GAS7: variants seen among roughly 807,000 people sequenced by gnomAD.
The protein encoded by GAS7 is growth arrest specific 7, also known as growth arrest-specific protein 7.
GAS7 carries 28 observed loss-of-function variants against 71.1 expected under a neutral mutation model. The ratio of observed to expected loss-of-function variants is 0.39; its 90% CI spans 0.29 to 0.54. The LOEUF is 0.54. Ranked by LOEUF, GAS7 falls within the 20% of genes least tolerant of loss-of-function variation. The pLI is 0.62. For missense variants in GAS7, 436 were observed against 627.8 expected (o/e 0.69, Z 3.27); for synonymous variants, 258 against 245.8 (o/e 1.05, Z -0.46).
At chr17:10,048,193 T>C (rs2073007757) in intron 1 of GAS7, among the ~76,000 whole-genome samples, 1 of 152,088 alleles carries the variant, frequency 6.6e-6, no homozygotes, top group Non-Finnish European at 1.5e-5. Flanking sequence ...TCCCAGCTAC[T>C]TGGGAGGCTG....
chr17:10,175,322 T>C, intron 1 of GAS7, among the ~76,000 whole-genome samples: 1 of 151,240 alleles, frequency 6.6e-6, no homozygotes, highest in Non-Finnish European at 1.5e-5. Context: ...AAGCCCAGGG[T>C]AAGGGGCTTG....
chr17:10,030,257 C>T (rs2072581800), intron 1 of GAS7, among the ~76,000 whole-genome samples: 1 of 152,136 alleles, frequency 6.6e-6, no homozygotes, highest in South Asian at 2.1e-4. Flanking sequence ...CCCTGGAATC[C>T]ATTCAGGTGG....
intron 1 of GAS7, among the ~76,000 whole-genome samples, chr17:10,030,323 G>A (rs1242322762): frequency 2.6e-5 from 4 of 152,244 alleles, no homozygotes; most frequent in Non-Finnish European, 5.9e-5. Context: ...GGAACCCAGG[G>A]CTTTCCAAAG....
intron 1 of GAS7, among the ~76,000 whole-genome samples, chr17:10,168,180 G>A (rs887380422): frequency 7.2e-5 from 11 of 152,052 alleles, no homozygotes; most frequent in Non-Finnish European, 1.2e-4. Context: ...GGAAAATAAA[G>A]TATGCTACAT....
At chr17:10,142,739 C>T (rs946115923) in intron 1 of GAS7, among the ~76,000 whole-genome samples, 1 of 152,136 alleles carries the variant, frequency 6.6e-6, no homozygotes, top group African/African-American at 2.4e-5. Flanking sequence ...TCTGAGGTAT[C>T]CCCAATATAT....
At chr17:10,186,786 G>A (rs1425024060) in intron 1 of GAS7, among the ~76,000 whole-genome samples, 1 of 152,178 alleles carries the variant, frequency 6.6e-6, no homozygotes, top group Non-Finnish European at 1.5e-5. Flanking sequence ...ACTTTGAGAG[G>A]CAGAGGCAGG....
chr17:10,169,691 T>A (rs1233105378), intron 1 of GAS7, among the ~76,000 whole-genome samples: 1 of 152,086 alleles, frequency 6.6e-6, no homozygotes. Context: ...TTGGGGTGCC[T>A]CCAGGCCCCA....
intron 1 of GAS7, among the ~76,000 whole-genome samples, chr17:10,171,076 GC>G (rs1157917713): frequency 6.6e-6 from 1 of 152,198 alleles, no homozygotes; most frequent in Non-Finnish European, 1.5e-5. Flanking sequence ...CTTCACTTGA[GC>G]CGCAAAGAAT....
chr17:10,070,833 G>A (rs191917506), intron 1 of GAS7, among the ~76,000 whole-genome samples: 1 of 152,136 alleles, frequency 6.6e-6, no homozygotes, highest in East Asian at 1.9e-4. Context: ...CAACCTATGG[G>A]ACAGAGGTTG....
chr17:10,196,849 C>T (rs2074544633), intron 1 of GAS7, among the ~76,000 whole-genome samples: 1 of 152,120 alleles, frequency 6.6e-6, no homozygotes, highest in African/African-American at 2.4e-5. Flanking sequence ...CTTTTACATC[C>T]GAATCTCGGG....
intron 1 of GAS7, among the ~76,000 whole-genome samples, chr17:10,074,675 C>T (rs1193354511): frequency 6.6e-6 from 1 of 152,150 alleles, no homozygotes; most frequent in Non-Finnish European, 1.5e-5. Context: ...AAAAACTGTA[C>T]CTGTCGGTGT....
intron 1 of GAS7, among the ~76,000 whole-genome samples, chr17:10,132,405 C>A (rs2074004168): frequency 6.6e-6 from 1 of 152,210 alleles, no homozygotes; most frequent in African/African-American, 2.4e-5. Flanking sequence ...CAGTCTTTGT[C>A]TACTCGGGCC....
chr17:10,040,948 G>A (rs1324250586), intron 1 of GAS7, among the ~76,000 whole-genome samples: 9 of 152,162 alleles, frequency 5.9e-5, no homozygotes. Flanking sequence ...GATGACCTGA[G>A]GTCAGGAGTT....
chr17:10,005,060 TGTGTGTATG>T (rs1305172671), intron 2 of GAS7, among the ~76,000 whole-genome samples: 9 of 142,418 alleles, frequency 6.3e-5, no homozygotes, highest in Admixed American at 3.4e-4. Context: ...TACACATATA[TGTGTGTATG>T]CACGCATACA....
chr17:10,028,309 G>T (rs770821061), intron 1 of GAS7, among the ~76,000 whole-genome samples: 3 of 152,134 alleles, frequency 2.0e-5, no homozygotes, highest in Non-Finnish European at 4.4e-5. Flanking sequence ...AGGAGTTAGA[G>T]ACTGCAGTAA....
intron 5 of GAS7, among the ~76,000 whole-genome samples, chr17:9,958,653 G>C (rs1411529118): frequency 6.6e-6 from 1 of 151,720 alleles, no homozygotes; most frequent in African/African-American, 2.4e-5. Flanking sequence ...TCTGCATGGG[G>C]GTGGGTGGGG....
intron 1 of GAS7, among the ~76,000 whole-genome samples, chr17:10,153,615 A>C (rs1193623178): frequency 6.6e-6 from 1 of 152,164 alleles, no homozygotes; most frequent in Non-Finnish European, 1.5e-5. Flanking sequence ...ATAAAATAAT[A>C]ATGTTTTTTA....
chr17:10,188,162 G>A (rs1273823472), intron 1 of GAS7, among the ~76,000 whole-genome samples: 1 of 151,874 alleles, frequency 6.6e-6, no homozygotes, highest in Non-Finnish European at 1.5e-5. Context: ...GGAATTACTT[G>A]CACCCAGGAG....
intron 1 of GAS7, among the ~76,000 whole-genome samples, chr17:10,100,426 C>G (rs1415799287): frequency 6.6e-6 from 1 of 152,240 alleles, no homozygotes; most frequent in African/African-American, 2.4e-5. Flanking sequence ...TCCTTCAGGT[C>G]TCTACAACTT....
Sources: gnomAD v4.1 joint callset for allele counts (sites outside exome capture counted in the v4.1 genomes callset) on GRCh38, gnomAD v4.1.1 for gene constraint, MANE v1.5 for transcripts, NCBI Gene and HGNC (gene_info 2026-07-23, HGNC 2026-07-21) for gene names.